The following ACOXL variants were observed in gnomAD, a reference collection of about 807,000 sequenced individuals.
The protein encoded by ACOXL is acyl-CoA oxidase like.
A neutral mutation model predicts 71.9 loss-of-function variants in ACOXL; 70 were observed. The observed-to-expected ratio is 0.97, with a 90% CI of 0.80 to 1.19. The LOEUF is 1.19. Ranked by LOEUF, ACOXL falls within the 50% of genes most tolerant of loss-of-function variation. The pLI, the probability that ACOXL is intolerant of heterozygous loss-of-function variation, is 0.00. For synonymous variants in ACOXL, 253 were observed against 281.6 expected, an observed-to-expected ratio of 0.90 and a Z score of 1.02; for missense variants, 703 against 736.3, an observed-to-expected ratio of 0.95 and a Z score of 0.52.
chr2:111,116,258 T>C (rs1183374844), intron 17 of ACOXL, among the ~76,000 whole-genome samples: 1 of 152,266 alleles, frequency 6.6e-6, no homozygotes, highest in Non-Finnish European at 1.5e-5. Flanking sequence ...TTCATTTTAG[T>C]GCATCTTGCA....
chr2:110,812,800 C>G (rs1456326651), intron 9 of ACOXL, among the ~76,000 whole-genome samples: 2 of 152,236 alleles, frequency 1.3e-5, no homozygotes, highest in Non-Finnish European at 2.9e-5. Context: ...ACGCCTTCCT[C>G]TCAGCACTGT....
At chr2:110,870,512 G>C (rs927947146) in intron 10 of ACOXL, among the ~76,000 whole-genome samples, 1 of 152,142 alleles carries the variant, frequency 6.6e-6, no homozygotes, top group Non-Finnish European at 1.5e-5. Flanking sequence ...GGTGGTTCTG[G>C]TGCAGGATAA....
intron 12 of ACOXL, among the ~76,000 whole-genome samples, chr2:110,949,094 G>A (rs2061230233): frequency 6.6e-6 from 1 of 152,182 alleles, no homozygotes; most frequent in Non-Finnish European, 1.5e-5. Context: ...ATGAATAGCT[G>A]AGTCCAGCTG....
chr2:111,108,709 G>A (rs917850770), intron 17 of ACOXL, among the ~76,000 whole-genome samples: 1 of 152,126 alleles, frequency 6.6e-6, no homozygotes, highest in African/African-American at 2.4e-5. Flanking sequence ...GCAGTTCAGC[G>A]AGTTTTGACA....
intron 10 of ACOXL, among the ~76,000 whole-genome samples, chr2:110,890,701 C>T (rs1697831212): frequency 6.6e-6 from 1 of 152,130 alleles, no homozygotes; most frequent in African/African-American, 2.4e-5. Context: ...CACCTTTTCT[C>T]AATTACTGTA....
At chr2:110,810,683 A>G (rs1687216456) in intron 9 of ACOXL, among the ~76,000 whole-genome samples, 1 of 152,164 alleles carries the variant, frequency 6.6e-6, no homozygotes, top group Admixed American at 6.6e-5. Flanking sequence ...CCAATAATCC[A>G]TTCATCCCAC....
At position 110,943,240 on chromosome 2, in the gene ACOXL, GAGAA is replaced by G. The variant is rs796506443; in HGVS notation, c.1059+9604_1059+9607del. Among the ~76,000 whole-genome samples the G allele has an allele frequency of 9.3e-4, 113 of 121,392 alleles. No homozygotes were observed. The Middle Eastern group carries it at 0.025, about 27-fold the overall frequency. The allele number at this position is 121,392 out of a possible 152,430, so 79.6% of individuals were successfully genotyped here. On this transcript the variant is annotated intron_variant, in intron 12 of 17. Coordinates refer to ENST00000439055, the MANE Select transcript of ACOXL (RefSeq NM_001142807.4). ...AGGAAGGAAAGAAGGAAGCAAGAAAGAGAAAGAAAAAGAAAAGAAAGGAGGGAGG... is the reference window on the plus strand; with the variant it reads ...AGGAAGGAAAGAAGGAAGCAAGAAAGAGAAAAAGAAAAGAAAGGAGGGAGG...
At chr2:111,103,549 C>T (rs1420574367) in intron 17 of ACOXL, among the ~76,000 whole-genome samples, 2 of 152,108 alleles carry the variant, frequency 1.3e-5, no homozygotes, top group Admixed American at 1.3e-4. Context: ...TAAAAATGTC[C>T]AGTTCAGGTG....
At chr2:111,028,830 T>C (rs773646080) in intron 14 of ACOXL, among the ~76,000 whole-genome samples, 6 of 152,222 alleles carry the variant, frequency 3.9e-5, no homozygotes, top group Non-Finnish European at 7.3e-5. Flanking sequence ...ATGTTGTTGA[T>C]ATTAAATGTG....
intron 10 of ACOXL, among the ~76,000 whole-genome samples, chr2:110,904,092 A>C (rs751914979): frequency 6.6e-6 from 1 of 152,192 alleles, no homozygotes; most frequent in African/African-American, 2.4e-5. Flanking sequence ...GAGAAGTGAG[A>C]GTAAACTCCC....
intron 2 of ACOXL, among the ~76,000 whole-genome samples, chr2:110,782,828 T>A (rs1683504935): frequency 6.6e-6 from 1 of 152,196 alleles, no homozygotes; most frequent in South Asian, 2.1e-4. Flanking sequence ...TATTTCAGTT[T>A]GGCTAAAACA....
chr2:110,912,137 T>C (rs1208446819), intron 11 of ACOXL, among the ~76,000 whole-genome samples: 1 of 152,088 alleles, frequency 6.6e-6, no homozygotes, highest in Non-Finnish European at 1.5e-5. Flanking sequence ...TGTGAATATA[T>C]GGAATATATG....
chr2:111,075,150 T>C (rs1048810666), intron 16 of ACOXL, among the ~76,000 whole-genome samples: 2 of 152,184 alleles, frequency 1.3e-5, no homozygotes, highest in African/African-American at 4.8e-5. Flanking sequence ...CTGGAAGAGA[T>C]TGTGTAGAAT....
At chr2:111,057,192 T>C (rs2066583131) in intron 16 of ACOXL, among the ~76,000 whole-genome samples, 1 of 152,208 alleles carries the variant, frequency 6.6e-6, no homozygotes, top group South Asian at 2.1e-4. Flanking sequence ...ACTGTGTGGG[T>C]TCCACTGTGC....
chr2:111,109,958 A>C (rs2069831232), intron 17 of ACOXL, among the ~76,000 whole-genome samples: 1 of 152,146 alleles, frequency 6.6e-6, no homozygotes, highest in Admixed American at 6.5e-5. Flanking sequence ...AATTACAAGC[A>C]TGAGCCACCG....
At chr2:111,011,625 G>A (rs117903702) in intron 14 of ACOXL, among the ~76,000 whole-genome samples, 5,266 of 152,270 alleles carry the variant, frequency 0.035, 150 homozygotes, top group East Asian at 0.11. Context: ...GCTCATGCCT[G>A]TAGTTTCAGC....
chr2:111,046,347 C>G (rs1172938266), intron 15 of ACOXL, among the ~76,000 whole-genome samples: 1 of 152,184 alleles, frequency 6.6e-6, no homozygotes, highest in Non-Finnish European at 1.5e-5. Context: ...TGATGCCAAA[C>G]CTGTGTTGAG....
chr2:110,952,744 G>A (rs953698826), intron 12 of ACOXL, among the ~76,000 whole-genome samples: 1 of 152,054 alleles, frequency 6.6e-6, no homozygotes, highest in African/African-American at 2.4e-5. Context: ...CACCATGCCT[G>A]GCCATTACTT....
At chr2:110,903,708 C>T (rs1037877929) in intron 10 of ACOXL, among the ~76,000 whole-genome samples, 4 of 152,186 alleles carry the variant, frequency 2.6e-5, no homozygotes, top group African/African-American at 4.8e-5. Context: ...GTCTGGCAGG[C>T]GGTAATTGCT....
Sources: gnomAD v4.1 joint callset for allele counts (sites outside exome capture counted in the v4.1 genomes callset) on GRCh38, gnomAD v4.1.1 for gene constraint, MANE v1.5 for transcripts, NCBI Gene and HGNC (gene_info 2026-07-23, HGNC 2026-07-21) for gene names.